MARCHF1: variants seen among roughly 807,000 people sequenced by gnomAD.
MARCHF1 encodes membrane associated ring-CH-type finger 1, also known as E3 ubiquitin-protein ligase MARCHF1.
A neutral mutation model predicts 54.2 loss-of-function variants in MARCHF1; 40 were observed. The ratio of observed to expected loss-of-function variants is 0.74; its 90% confidence interval spans 0.57 to 0.96. MARCHF1 has a LOEUF of 0.96. MARCHF1 is among the 40% of genes least tolerant of loss of function. The pLI is 0.00. For synonymous variants in MARCHF1, 236 were observed against 236.3 expected (o/e 1.00, Z 0.01); for missense variants, 586 against 656.5 (o/e 0.89, Z 1.17).
chr4:164,023,979 G>T (rs560344304), intron 2 of MARCHF1, among the ~76,000 whole-genome samples: 1 of 151,938 alleles, frequency 6.6e-6, no homozygotes, highest in Admixed American at 6.6e-5. Context: ...CCAAGATGAG[G>T]AAAGAATCTC....
chr4:163,629,790 T>C (rs192616763), intron 5 of MARCHF1, among the ~76,000 whole-genome samples: 77 of 150,750 alleles, frequency 5.1e-4, no homozygotes, highest in Non-Finnish European at 9.0e-4. Context: ...ATGTAACAAA[T>C]CTGCACGTTC....
At chr4:163,765,760 T>C (rs1746956228) in intron 4 of MARCHF1, among the ~76,000 whole-genome samples, 1 of 151,256 alleles carries the variant, frequency 6.6e-6, no homozygotes, top group Non-Finnish European at 1.5e-5. Flanking sequence ...TATCCTGAAA[T>C]AACTTAACAT....
intron 3 of MARCHF1, among the ~76,000 whole-genome samples, chr4:163,864,099 G>A (rs1749999895): frequency 6.6e-6 from 1 of 151,960 alleles, no homozygotes; most frequent in Non-Finnish European, 1.5e-5. Flanking sequence ...GCTCAAAAGT[G>A]GAGGAGAAAC....
At chr4:163,888,145 C>T (rs1750580023) in intron 3 of MARCHF1, among the ~76,000 whole-genome samples, 1 of 152,074 alleles carries the variant, frequency 6.6e-6, no homozygotes, top group South Asian at 2.1e-4. Flanking sequence ...ATGTAACAAA[C>T]CTGTACATTC....
intron 1 of MARCHF1, among the ~76,000 whole-genome samples, chr4:164,238,964 A>C (rs1284055424): frequency 6.6e-6 from 1 of 152,084 alleles, no homozygotes; most frequent in East Asian, 1.9e-4. Context: ...CTGTTTTACT[A>C]GAGTTAGGAT....
At chr4:164,264,090 T>C (rs979677139) in intron 1 of MARCHF1, among the ~76,000 whole-genome samples, 6 of 152,254 alleles carry the variant, frequency 3.9e-5, no homozygotes, top group African/African-American at 1.4e-4. Context: ...ATAGGATCAA[T>C]CTAAATGCCC....
At chr4:163,589,831 T>C (rs1740528190) in intron 7 of MARCHF1, among the ~76,000 whole-genome samples, 1 of 152,120 alleles carries the variant, frequency 6.6e-6, no homozygotes, top group Non-Finnish European at 1.5e-5. Flanking sequence ...TATAAAATTA[T>C]TGGTGATCCA....
At chr4:163,811,508 A>C (rs1748387322) in intron 4 of MARCHF1, among the ~76,000 whole-genome samples, 1 of 151,998 alleles carries the variant, frequency 6.6e-6, no homozygotes, top group South Asian at 2.1e-4. Context: ...AAGGAAAGAG[A>C]GAGAGAGAAG....
chr4:163,979,019 CTT>C (rs60452636), intron 3 of MARCHF1, among the ~76,000 whole-genome samples: 5,665 of 129,022 alleles, frequency 0.044, 159 homozygotes, highest in African/African-American at 0.083. Context: ...CCCTTTAATT[CTT>C]TTTTTTTTTT....
At chr4:164,120,510 C>A (rs1426544236) in intron 1 of MARCHF1, among the ~76,000 whole-genome samples, 3 of 152,100 alleles carry the variant, frequency 2.0e-5, no homozygotes, top group Non-Finnish European at 4.4e-5. Context: ...CAGAACATTT[C>A]ATCCAAGAAC....
At chr4:164,348,546 G>T (rs1452975635) in intron 1 of MARCHF1, among the ~76,000 whole-genome samples, 1 of 152,134 alleles carries the variant, frequency 6.6e-6, no homozygotes, top group African/African-American at 2.4e-5. Flanking sequence ...CCAAATGGCA[G>T]AGAACATACT....
At chr4:163,606,409 G>C (rs568946595) in intron 7 of MARCHF1, among the ~76,000 whole-genome samples, 1 of 152,132 alleles carries the variant, frequency 6.6e-6, no homozygotes, top group South Asian at 2.1e-4. Flanking sequence ...CTATGTTCAA[G>C]GAACTTATTC....
chr4:164,126,822 G>C (rs1252080990), intron 1 of MARCHF1, among the ~76,000 whole-genome samples: 1 of 152,156 alleles, frequency 6.6e-6, no homozygotes, highest in Admixed American at 6.5e-5. Context: ...TTGGGAGGCC[G>C]AGGCAGGCGC....
chr4:164,159,524 A>G (rs1730172937), intron 1 of MARCHF1, among the ~76,000 whole-genome samples: 6 of 152,156 alleles, frequency 3.9e-5, no homozygotes, highest in Admixed American at 2.6e-4. Flanking sequence ...CTGTTACTGT[A>G]CTTTACTTGA....
chr4:163,717,755 G>C (rs1186072490), intron 4 of MARCHF1, among the ~76,000 whole-genome samples: 1 of 152,160 alleles, frequency 6.6e-6, no homozygotes, highest in Non-Finnish European at 1.5e-5. Context: ...CAGTGATAAT[G>C]AGCATTTTTT....
At chr4:163,568,932 A>G (rs1739740080) in intron 8 of MARCHF1, among the ~76,000 whole-genome samples, 1 of 152,144 alleles carries the variant, frequency 6.6e-6, no homozygotes, top group South Asian at 2.1e-4. Flanking sequence ...CAGGTGCATC[A>G]GGCATCTAAA....
In MARCHF1 at chr4:163,613,394, C is replaced by T. The variant is rs1472791277; in HGVS notation, c.163-1G>A. 1.2e-6 allele frequency: 2 copies of T among 1,613,162 alleles called. No individual in the cohort carries two copies. The highest frequency in any genetic ancestry group is 1.7e-6 in the Non-Finnish European group (2 of 1,179,560). ...CTGTCCCTGTTGTTGGGCTGCTTGC[C>T]TGGAGAAACAAGTTAGATAATTTGG... On this transcript the variant is annotated splice_acceptor_variant, in intron 5 of 9. Coordinates refer to ENST00000514618, the MANE Select transcript of MARCHF1 (RefSeq NM_001394959.1). LOFTEE classifies it high-confidence loss of function.
intron 1 of MARCHF1, among the ~76,000 whole-genome samples, chr4:164,286,342 T>C (rs1392794220): frequency 6.6e-6 from 1 of 152,184 alleles, no homozygotes; most frequent in Non-Finnish European, 1.5e-5. Context: ...AATTGCATCA[T>C]ATTTTTAAAT....
chr4:164,118,210 A>G (rs1314889721), intron 1 of MARCHF1, among the ~76,000 whole-genome samples: 1 of 151,792 alleles, frequency 6.6e-6, no homozygotes, highest in Non-Finnish European at 1.5e-5. Flanking sequence ...ATATTTTTAT[A>G]TGGAAAACAT....
Sources: allele counts gnomAD v4.1 joint callset (sites outside exome capture counted in the v4.1 genomes callset), GRCh38; gene constraint gnomAD v4.1.1; transcripts MANE v1.5; gene names NCBI Gene and HGNC (gene_info 2026-07-23, HGNC 2026-07-21).